CNTN2: variants seen among roughly 807,000 people sequenced by gnomAD.
The protein encoded by CNTN2 is contactin 2, also known as contactin-2.
CNTN2 carries 53 observed loss-of-function variants against 117.5 expected under a neutral mutation model. That is an observed-to-expected ratio of 0.45 (90% confidence interval 0.36 to 0.57). The LOEUF (loss-of-function observed/expected upper bound fraction) is 0.57, where lower values mean the gene tolerates loss of function less well. Among genes scored for constraint, CNTN2 ranks in the 20% least tolerant of loss-of-function variants. CNTN2 has a pLI of 0.00. For missense variants in CNTN2, 1,106 were observed against 1,404.3 expected (o/e 0.79, Z 3.39); for synonymous variants, 530 against 561.7 (o/e 0.94, Z 0.80).
chr1:205,045,494 A>G (rs2096440055), intron 1 of CNTN2, among the ~76,000 whole-genome samples: 1 of 152,156 alleles, frequency 6.6e-6, no homozygotes, highest in South Asian at 2.1e-4. Flanking sequence ...ACCCCAAGGC[A>G]TCCTTTCTGC....
Position 205,061,763 on chromosome 1 carries a change from T to C in CNTN2, c.974-102T>C. On this transcript the variant is annotated intron_variant, in intron 8 of 22. Coordinates refer to ENST00000331830, the MANE Select transcript of CNTN2 (RefSeq NM_005076.5). This position sits in a 1 kb window ranked among gnomAD's most constrained non-coding sequence, Gnocchi z 4.8. ...ATCTCAGAATGCTCATGGCGCCCTC[T>C]GCTGTCTGGCACAGGTGCTGCTGCC... is the stretch of plus-strand genomic sequence containing the variant. The C allele has an allele frequency of 7.1e-7, 1 of 1,411,604 alleles. No homozygotes were observed. Among genetic ancestry groups the C allele is most frequent in the South Asian group, 1.5e-5 (1 of 67,430 alleles). 87.4% of individuals were successfully genotyped at this position (1,411,604 alleles called of 1,614,324 possible).
intron 1 of CNTN2, among the ~76,000 whole-genome samples, chr1:205,049,494 G>T (rs4996932): frequency 2.6e-5 from 4 of 151,738 alleles, no homozygotes; most frequent in Admixed American, 6.6e-5. Flanking sequence ...ACACAGACGC[G>T]CACACACACC....
rs2096446862 is a variant in CNTN2, at chr1:205,048,907, CTG to C, written c.-86-4192_-86-4191del. On this transcript the variant is annotated intron_variant, in intron 1 of 22. Transcript: ENST00000331830. This position sits in a 1 kb window ranked among gnomAD's most constrained non-coding sequence, Gnocchi z 4.1. Reference sequence around the variant, plus strand: ...GGAGCTCCAGCCTTTAGCCCAGACTCTGCGTGTGTGTGTGTGTGTGTGTGTGT... The same window carrying C: ...GGAGCTCCAGCCTTTAGCCCAGACTCCGTGTGTGTGTGTGTGTGTGTGTGT... Among the ~76,000 whole-genome samples, 2 of 134,354 alleles carry C rather than the reference CTG, an allele frequency of 1.5e-5. No homozygotes were observed. The highest frequency in any genetic ancestry group is 5.7e-5 in the African/African-American group (2 of 35,298). 88.1% of individuals were successfully genotyped at this position (134,354 alleles called of 152,430 possible). A position where few individuals can be genotyped will look rare whatever the true frequency, so the allele number is the denominator to read the frequency against.
chr1:205,072,085 G>T lies in CNTN2; in HGVS notation c.2683G>T (p.Gly895Cys). Residue 895 changes from glycine (G) to cysteine (C), a missense_variant, in exon 20 of 23, where the codon GGC becomes TGC. Transcript: ENST00000331830. ...HVTVRAYNRA[G>C]TGPASPSANA... The stretch of plus-strand genomic sequence containing the variant: ...GACCGTGAGGGCCTACAACCGGGCT[G>T]GCACTGGGCCTGCCAGCCCTTCTGC... The T allele has an allele frequency of 6.2e-7, 1 of 1,613,816 alleles. No homozygotes were observed. The highest frequency in any genetic ancestry group is 8.5e-7 in the Non-Finnish European group (1 of 1,179,972).
chr1:205,048,360 C>T lies in CNTN2; in HGVS notation c.-86-4740C>T, dbSNP rs112193230. ...TGGAGCCCCACTCATAGCCTTCTGT[C>T]CCCCAGCTGTCCCCCAGGCCCTTTG... On this transcript the variant is annotated intron_variant, in intron 1 of 22. Transcript: ENST00000331830. This position sits in a 1 kb window ranked among gnomAD's most constrained non-coding sequence, Gnocchi z 4.1. Among the ~76,000 whole-genome samples the T allele has an allele frequency of 0.022, 3,394 of 152,194 alleles. 76 individuals carry two copies. The highest frequency in any genetic ancestry group is 0.052 in the African/African-American group (2,159 of 41,502).
intron 18 of CNTN2, 31 bp downstream of exon 18, chr1:205,070,092 C>G (rs749712804): frequency 1.9e-6 from 3 of 1,599,254 alleles, no homozygotes; most frequent in South Asian, 1.1e-5. Context: ...CTGCTCGTCC[C>G]TACCCCAGCC....
In CNTN2 at chr1:205,073,774, C is replaced by T; in HGVS notation, c.*9C>T. 6.2e-7 allele frequency: 1 copy of T among 1,609,106 alleles called. No individual in the cohort carries two copies. Among genetic ancestry groups the T allele is most frequent in the Non-Finnish European group, 8.5e-7 (1 of 1,176,318 alleles). On this transcript the variant is annotated 3_prime_UTR_variant, in exon 23 of 23. Coordinates refer to ENST00000331830, the MANE Select transcript of CNTN2 (RefSeq NM_005076.5). The surrounding 1 kb of genome is among the most constrained non-coding windows in gnomAD (Gnocchi z 6.3). ...GCTCCCTGGAGCTCTGATCCTGGAA[C>T]CCCTCCCTCTGCGCCGCAGCTGGAC...
In CNTN2 at chr1:205,061,476, C is replaced by T. The variant is rs1653980236; in HGVS notation, c.973+56C>T. 2 of 1,492,952 alleles carry T rather than the reference C, an allele frequency of 1.3e-6. No homozygotes were observed. Among genetic ancestry groups the T allele is most frequent in the East Asian group, 2.4e-5 (1 of 41,000 alleles). The allele number at this position is 1,492,952 out of a possible 1,614,324, so 92.5% of individuals were successfully genotyped here. On this transcript the variant is annotated intron_variant, in intron 8 of 22. Coordinates refer to ENST00000331830, the MANE Select transcript of CNTN2 (RefSeq NM_005076.5). The surrounding 1 kb of genome is among the most constrained non-coding windows in gnomAD (Gnocchi z 4.8). Reference sequence around the variant, plus strand: ...TCCCGACCCCCCTTCCCGCCTTCACCCTTGTCCCCAAGGAAACAGACCCAA... The same window carrying T: ...TCCCGACCCCCCTTCCCGCCTTCACTCTTGTCCCCAAGGAAACAGACCCAA...
At chr1:205,045,398 G>A (rs765807932) in intron 1 of CNTN2, among the ~76,000 whole-genome samples, 19 of 152,150 alleles carry the variant, frequency 1.2e-4, no homozygotes, top group Non-Finnish European at 1.8e-4. Flanking sequence ...ATGGGCCTCC[G>A]AGGAATTGTG....
chr1:205,056,270 C>G (rs899969469), intron 2 of CNTN2, among the ~76,000 whole-genome samples: 8 of 152,214 alleles, frequency 5.3e-5, no homozygotes, highest in Non-Finnish European at 4.4e-5. Flanking sequence ...GGCTGCCTCC[C>G]AGCGCCTCCT....
chr1:205,077,596 G>A lies in CNTN2; in HGVS notation c.*3831G>A, dbSNP rs1257635875. The A allele has an allele frequency of 6.6e-6, 1 of 152,258 alleles. No individual in the cohort carries two copies. Among genetic ancestry groups the A allele is most frequent in the Non-Finnish European group, 1.5e-5 (1 of 68,060 alleles). The allele number at this position is 152,258 out of a possible 1,614,324, so 9.4% of individuals were successfully genotyped here. ...CCCCCAAAAAGCTCCATGGAAACAG[G>A]CACCTGGTAGCTGCGGAACACCCGT... On this transcript the variant is annotated 3_prime_UTR_variant, in exon 23 of 23. Transcript: ENST00000331830.
intron 10 of CNTN2, 59 bp from the exon 11 acceptor site, chr1:205,064,263 G>A: frequency 2.7e-6 from 4 of 1,507,414 alleles, no homozygotes; most frequent in Non-Finnish European, 3.6e-6. Flanking sequence ...GGCACGCCAA[G>A]TAACGTCTTA....
intron 21 of CNTN2, chr1:205,072,798 C>T: frequency 1.5e-6 from 1 of 652,458 alleles, no homozygotes; most frequent in Non-Finnish European, 2.7e-6. Context: ...GATGGTATCA[C>T]TGCAGAAAGG....
Position 205,061,748 on chromosome 1 carries a change from G to A in CNTN2, c.974-117G>A. The A allele has an allele frequency of 7.7e-7, 1 of 1,306,694 alleles. No individual in the cohort carries two copies. The highest frequency in any genetic ancestry group is 1.0e-6 in the Non-Finnish European group (1 of 962,352). 80.9% of individuals were successfully genotyped at this position (1,306,694 alleles called of 1,614,324 possible). A position where few individuals can be genotyped will look rare whatever the true frequency, so the allele number is the denominator to read the frequency against. On this transcript the variant is annotated intron_variant, in intron 8 of 22. Coordinates refer to ENST00000331830, the MANE Select transcript of CNTN2 (RefSeq NM_005076.5). The surrounding 1 kb of genome is among the most constrained non-coding windows in gnomAD (Gnocchi z 4.8). Reference sequence around the variant, plus strand: ...CTCTTTGTCCTCTCCATCTCAGAATGCTCATGGCGCCCTCTGCTGTCTGGC... The same window carrying A: ...CTCTTTGTCCTCTCCATCTCAGAATACTCATGGCGCCCTCTGCTGTCTGGC...
chr1:205,065,354 A>C lies in CNTN2; in HGVS notation c.1695+92A>C. The C allele has an allele frequency of 7.2e-7, 1 of 1,389,254 alleles. No individual in the cohort carries two copies. The allele number at this position is 1,389,254 out of a possible 1,614,324, so 86.1% of individuals were successfully genotyped here. A position where few individuals can be genotyped will look rare whatever the true frequency, so the allele number is the denominator to read the frequency against. ...CCTTAGCCATCCTCACCTTTAAGAAACCCATAGCCTAAGCGCCCCCATTCC... is the reference window on the plus strand; with the variant it reads ...CCTTAGCCATCCTCACCTTTAAGAACCCCATAGCCTAAGCGCCCCCATTCC... On this transcript the variant is annotated intron_variant, in intron 13 of 22. Transcript: ENST00000331830. This position sits in a 1 kb window ranked among gnomAD's most constrained non-coding sequence, Gnocchi z 4.1.
chr1:205,051,447 C>T (rs928044464), intron 1 of CNTN2, among the ~76,000 whole-genome samples: 7 of 152,146 alleles, frequency 4.6e-5, no homozygotes, highest in Non-Finnish European at 1.0e-4. Context: ...GGGGGAATGT[C>T]GGAGGGGTTG....
At chr1:205,071,820 G>A in intron 19 of CNTN2, 127 bp from the exon 20 acceptor site, 2 of 852,776 alleles carry the variant, frequency 2.3e-6, no homozygotes, top group Non-Finnish European at 3.5e-6. Context: ...CTAGTCTCCA[G>A]GTTCTGAGGC....
chr1:205,074,333 A>G lies in CNTN2; in HGVS notation c.*568A>G, dbSNP rs866637913. The G allele has an allele frequency of 4.2e-5, 17 of 400,246 alleles. No individual in the cohort carries two copies. Among genetic ancestry groups the G allele is most frequent in the Middle Eastern group, 1.3e-3 (2 of 1,588 alleles). The allele number at this position is 400,246 out of a possible 1,614,324, so 24.8% of individuals were successfully genotyped here. A position where few individuals can be genotyped will look rare whatever the true frequency, so the allele number is the denominator to read the frequency against. On this transcript the variant is annotated 3_prime_UTR_variant, in exon 23 of 23. Transcript: ENST00000331830. ...CTCCCTAGGGGCTCCTGCCTGCCCA[A>G]GCGGCTGAGAACCAGCGCCCCGATG...
chr1:205,067,126 C>T lies in CNTN2; in HGVS notation c.2001C>T (p.Ala667=), dbSNP rs1307242710. ...RTNPANIEGN[A]ETAQVLGLTP... The stretch of plus-strand genomic sequence containing the variant: ...ATCCTGCAAACATCGAGGGCAATGC[C>T]GAGACTGCACAGGTGCTGGGCCTCA... The change falls in exon 16 of 23, where the codon GCC becomes GCT. Residue 667 remains alanine, a synonymous_variant. Coordinates refer to ENST00000331830, the MANE Select transcript of CNTN2 (RefSeq NM_005076.5). 2.4e-5 allele frequency: 38 copies of T among 1,612,636 alleles called. 1 individual carries two copies. The highest frequency in any genetic ancestry group is 4.0e-5 in the African/African-American group (3 of 74,856).
Sources: allele counts gnomAD v4.1 joint callset (sites outside exome capture counted in the v4.1 genomes callset), GRCh38; gene constraint gnomAD v4.1.1; non-coding constraint Gnocchi (gnomAD v3.1); transcripts MANE v1.5; gene names NCBI Gene and HGNC (gene_info 2026-07-23, HGNC 2026-07-21).